The following MAST4 variants were observed in gnomAD, a reference collection of about 807,000 sequenced individuals.
MAST4 encodes microtubule associated serine/threonine kinase family member 4.
A neutral mutation model predicts 162.7 loss-of-function variants in MAST4; 89 were observed. The ratio of observed to expected loss-of-function variants is 0.55; its 90% CI spans 0.46 to 0.65. The LOEUF (loss-of-function observed/expected upper bound fraction) is 0.65, where lower values mean the gene tolerates loss of function less well. Ranked by LOEUF, MAST4 falls within the 30% of genes least tolerant of loss-of-function variation. MAST4 has a pLI of 0.00. For missense variants in MAST4, 3,153 were observed against 3,374.0 expected, an observed-to-expected ratio of 0.93 and a Z score of 1.62; for synonymous variants, 1,479 against 1,361.1, an observed-to-expected ratio of 1.09 and a Z score of -1.91.
intron 18 of MAST4, among the ~76,000 whole-genome samples, chr5:67,135,872 C>T (rs577310705): frequency 2.0e-5 from 3 of 152,310 alleles, no homozygotes; most frequent in Non-Finnish European, 4.4e-5. Flanking sequence ...GTTTTTATTG[C>T]ATTTCCGTAC....
intron 4 of MAST4, among the ~76,000 whole-genome samples, chr5:66,934,049 T>A (rs531481995): frequency 6.6e-6 from 1 of 152,128 alleles, no homozygotes; most frequent in African/African-American, 2.4e-5. Flanking sequence ...TGTTTAACAG[T>A]TTTTCTGCTA....
intron 4 of MAST4, among the ~76,000 whole-genome samples, chr5:66,980,332 C>CTATT (rs1748636694): frequency 6.6e-6 from 1 of 152,134 alleles, no homozygotes; most frequent in African/African-American, 2.4e-5. Flanking sequence ...AGGTAGTTTA[C>CTATT]AATAGAAACA....
chr5:67,078,322 T>G (rs1020407585), intron 5 of MAST4, among the ~76,000 whole-genome samples: 2 of 144,512 alleles, frequency 1.4e-5, no homozygotes, highest in Non-Finnish European at 3.0e-5. Flanking sequence ...TTGACAGGGT[T>G]GCCTTGATGT....
chr5:66,875,195 T>A (rs1438821553), intron 3 of MAST4, among the ~76,000 whole-genome samples: 2 of 152,202 alleles, frequency 1.3e-5, no homozygotes, highest in Admixed American at 6.5e-5. Flanking sequence ...CTAGTTACTA[T>A]ATTTAAGGAC....
intron 4 of MAST4, among the ~76,000 whole-genome samples, chr5:67,022,970 G>T (rs558527141): frequency 6.6e-5 from 10 of 151,842 alleles, no homozygotes; most frequent in African/African-American, 2.4e-4. Context: ...TCTACCTTTT[G>T]GTGCAAGCAT....
In MAST4 at chr5:66,740,785, C is replaced by T. The variant is rs139676095; in HGVS notation, c.364-18924C>T. Among the ~76,000 whole-genome samples, 30 of 152,266 alleles carry T rather than the reference C, an allele frequency of 2.0e-4. No homozygotes were observed. The East Asian group carries it at 5.4e-3, about 27-fold the overall frequency. On this transcript the variant is annotated intron_variant, in intron 1 of 28. Coordinates refer to ENST00000403625, the MANE Select transcript of MAST4 (RefSeq NM_001164664.2). ...GTTGGTCTGTGGCTGGGTGACAGTG[C>T]TGGTGCTGCCTGCGGGAATATGGAA...
Position 67,130,336 on chromosome 5 carries a change from T to G in MAST4, c.1872T>G (p.Phe624Leu). The change falls in exon 15 of 29, where the codon TTT (phenylalanine) becomes TTG (leucine). Residue 624 changes from phenylalanine (F) to leucine (L), a missense_variant. Around this residue, in one of 7 missense-constraint regions of MAST4, gnomAD observed 131 missense variants for 253.8 expected, o/e 0.52. Coordinates refer to ENST00000403625, the MANE Select transcript of MAST4 (RefSeq NM_001164664.2). The stretch of plus-strand genomic sequence containing the variant: ...TTGTGGAGCGGGATATCCTGACTTT[T>G]GCAGAAAACCCCTTTGTTGTCAGCA... ...QAFVERDILT[F>L]AENPFVVSMY... 1 of 1,614,018 alleles carries G rather than the reference T, an allele frequency of 6.2e-7. No individual in the cohort carries two copies. Among genetic ancestry groups the G allele is most frequent in the Non-Finnish European group, 8.5e-7 (1 of 1,179,904 alleles).
intron 3 of MAST4, among the ~76,000 whole-genome samples, chr5:66,812,881 T>G (rs1756545308): frequency 6.6e-6 from 1 of 152,182 alleles, no homozygotes; most frequent in Admixed American, 6.5e-5. Flanking sequence ...CCACCTCTCT[T>G]GCAGTTTAGA....
chr5:66,664,348 T>A (rs2149464519), intron 1 of MAST4, among the ~76,000 whole-genome samples: 1 of 147,876 alleles, frequency 6.8e-6, no homozygotes, highest in African/African-American at 2.5e-5. Flanking sequence ...GGTAGGAGAA[T>A]CGCTTGAACC....
intron 4 of MAST4, among the ~76,000 whole-genome samples, chr5:66,964,528 A>G (rs1294644375): frequency 6.6e-6 from 1 of 151,818 alleles, no homozygotes; most frequent in Non-Finnish European, 1.5e-5. Flanking sequence ...GGGGCTGGGC[A>G]CGGTGGCTCA....
At chr5:67,073,372 CA>C (rs1455023839) in intron 5 of MAST4, among the ~76,000 whole-genome samples, 1 of 151,528 alleles carries the variant, frequency 6.6e-6, no homozygotes, top group South Asian at 2.1e-4. Context: ...CTTAAAAACT[CA>C]AAAAAAACCT....
At chr5:67,059,110 G>T (rs1759232973) in intron 5 of MAST4, among the ~76,000 whole-genome samples, 1 of 152,154 alleles carries the variant, frequency 6.6e-6, no homozygotes, top group African/African-American at 2.4e-5. Flanking sequence ...GACAGATTTA[G>T]GTCATTGCCT....
chr5:66,610,493 C>CTGTTTTCCCCA (rs11273208), intron 1 of MAST4, among the ~76,000 whole-genome samples: 90,262 of 151,778 alleles, frequency 0.59, 27,320 homozygotes, highest in East Asian at 0.71. Flanking sequence ...GTTTTACACC[C>CTGTTTTCCCCA]GAGAGGTTGA....
intron 4 of MAST4, among the ~76,000 whole-genome samples, chr5:66,925,247 G>T (rs1407876902): frequency 6.6e-6 from 1 of 152,190 alleles, no homozygotes; most frequent in Non-Finnish European, 1.5e-5. Context: ...AAAGCCAGGA[G>T]AGCTAAGTGT....
At chr5:66,816,641 A>G (rs927949019) in intron 3 of MAST4, among the ~76,000 whole-genome samples, 1 of 152,170 alleles carries the variant, frequency 6.6e-6, no homozygotes, top group African/African-American at 2.4e-5. Flanking sequence ...TTTAGGAGCC[A>G]GGCCCACTGT....
In MAST4 at chr5:67,070,711, C is replaced by T. The variant is rs542836532; in HGVS notation, c.763+16219C>T. ...TCTTGAGTAGGAATGAATGCTGTTACCTGTGTCAACAGAAAATCTTGTGTC... is the reference window on the plus strand; with the variant it reads ...TCTTGAGTAGGAATGAATGCTGTTATCTGTGTCAACAGAAAATCTTGTGTC... On this transcript the variant is annotated intron_variant, in intron 5 of 28. Coordinates refer to ENST00000403625, the MANE Select transcript of MAST4 (RefSeq NM_001164664.2). 2.6e-5 allele frequency among the ~76,000 whole-genome samples: 4 copies of T among 152,276 alleles called. No homozygotes were observed. In the East Asian group the frequency reaches 7.7e-4, roughly 29 times the overall value.
intron 1 of MAST4, among the ~76,000 whole-genome samples, chr5:66,698,401 G>A (rs547510007): frequency 3.3e-5 from 5 of 150,420 alleles, no homozygotes; most frequent in African/African-American, 4.9e-5. Context: ...CCCTTCTTAG[G>A]CTACTGTGTC....
rs189904121 is a variant in MAST4, at chr5:66,790,325, C to A, written c.642+1531C>A. Among the ~76,000 whole-genome samples the A allele has an allele frequency of 3.8e-4, 58 of 152,192 alleles. No individual in the cohort carries two copies. In the Middle Eastern group the frequency reaches 0.01, roughly 27 times the overall value. ...GACAAGTCCGTTTCTCAAATTCTCT[C>A]ATCTCATTTGTACTTGTAAGATGAA... is the stretch of plus-strand genomic sequence containing the variant. On this transcript the variant is annotated intron_variant, in intron 3 of 28. Coordinates refer to ENST00000403625, the MANE Select transcript of MAST4 (RefSeq NM_001164664.2).
At chr5:66,824,111 C>T (rs1231648780) in intron 3 of MAST4, among the ~76,000 whole-genome samples, 1 of 152,210 alleles carries the variant, frequency 6.6e-6, no homozygotes, top group Non-Finnish European at 1.5e-5. Context: ...TTTAGAGAGA[C>T]ATATGAACCC....
Sources: allele counts gnomAD v4.1 joint callset (sites outside exome capture counted in the v4.1 genomes callset), GRCh38; gene constraint gnomAD v4.1.1; regional missense constraint gnomAD v4.1.1; transcripts MANE v1.5; gene names NCBI Gene and HGNC (gene_info 2026-07-23, HGNC 2026-07-21).